The following SAMD4A variants were observed in gnomAD, a reference collection of about 807,000 sequenced individuals.
SAMD4A encodes protein Smaug homolog 1.
A neutral mutation model predicts 81.3 loss-of-function variants in SAMD4A; 33 were observed. That is an observed-to-expected ratio of 0.41 (90% CI 0.31 to 0.54). The LOEUF (loss-of-function observed/expected upper bound fraction) is 0.54. SAMD4A is among the 20% of genes least tolerant of loss of function. The pLI is 0.37. For synonymous variants in SAMD4A, 389 were observed against 382.1 expected (o/e 1.02, Z -0.21); for missense variants, 854 against 951.1 (o/e 0.90, Z 1.34).
At chr14:54,627,578 C>G (rs1321657861) in intron 2 of SAMD4A, among the ~76,000 whole-genome samples, 1 of 152,222 alleles carries the variant, frequency 6.6e-6, no homozygotes, top group Non-Finnish European at 1.5e-5. Flanking sequence ...GAGACCCTAA[C>G]AAGTCAGCTC....
At chr14:54,641,178 G>T (rs2140381983) in intron 2 of SAMD4A, among the ~76,000 whole-genome samples, 1 of 152,248 alleles carries the variant, frequency 6.6e-6, no homozygotes, top group South Asian at 2.1e-4. Context: ...GGGGATAATG[G>T]TATTACACAC....
intron 2 of SAMD4A, chr14:54,687,274 G>T (rs1008996268): frequency 6.7e-6 from 3 of 449,634 alleles, no homozygotes; most frequent in East Asian, 7.0e-5. Flanking sequence ...TCCATGGGCA[G>T]TTATGAACCA....
At position 54,736,813 on chromosome 14, in the gene SAMD4A, G is replaced by A. The variant is rs149407295; in HGVS notation, c.716-211G>A. ...GCACTATAGGTTTGGCCTCCTTGGA[G>A]AAACCTAACCCACTGAGAGGGACAG... On this transcript the variant is annotated intron_variant, in intron 3 of 12. Coordinates refer to ENST00000554335, the MANE Select transcript of SAMD4A (RefSeq NM_015589.6). 2.0e-3 allele frequency among the ~76,000 whole-genome samples: 311 copies of A among 152,268 alleles called. 1 individual carries two copies. Among genetic ancestry groups the A allele is most frequent in the African/African-American group, 7.3e-3 (303 of 41,554 alleles).
intron 2 of SAMD4A, among the ~76,000 whole-genome samples, chr14:54,645,326 T>C (rs2035263095): frequency 6.6e-6 from 1 of 152,164 alleles, no homozygotes; most frequent in Admixed American, 6.5e-5. Flanking sequence ...TTAAAAGTAG[T>C]CTTACTTCTC....
intron 2 of SAMD4A, chr14:54,682,161 G>C (rs1246790775): frequency 1.7e-6 from 1 of 586,774 alleles, no homozygotes; most frequent in East Asian, 1.4e-4. Flanking sequence ...TGGGGAGTCT[G>C]CTGTGTGCAC....
chr14:54,631,969 A>G (rs1227871945), intron 2 of SAMD4A, among the ~76,000 whole-genome samples: 1 of 152,208 alleles, frequency 6.6e-6, no homozygotes, highest in East Asian at 1.9e-4. Flanking sequence ...ATTCAGAGTT[A>G]CTATACACCA....
intron 2 of SAMD4A, among the ~76,000 whole-genome samples, chr14:54,597,756 A>T (rs554069579): frequency 2.2e-4 from 33 of 151,564 alleles, no homozygotes; most frequent in Non-Finnish European, 4.6e-4. Flanking sequence ...TGCCTGGCTA[A>T]TTTTTGTATT....
intron 7 of SAMD4A, 57 bp downstream of exon 7, chr14:54,760,551 A>G (rs2038370168): frequency 1.5e-6 from 2 of 1,365,248 alleles, no homozygotes; most frequent in Non-Finnish European, 1.9e-6. Flanking sequence ...CCAGAGCGAC[A>G]GGCTCCTGGG....
At chr14:54,704,733 C>T (rs2036809742) in intron 3 of SAMD4A, among the ~76,000 whole-genome samples, 1 of 152,198 alleles carries the variant, frequency 6.6e-6, no homozygotes, top group African/African-American at 2.4e-5. Flanking sequence ...GATCAAAGAG[C>T]TCAGATCTCC....
chr14:54,654,826 T>G (rs1338910338), intron 2 of SAMD4A, among the ~76,000 whole-genome samples: 1 of 152,224 alleles, frequency 6.6e-6, no homozygotes, highest in African/African-American at 2.4e-5. Context: ...CCATGGTTGG[T>G]GCATCCCTGC....
At chr14:54,585,379 C>T (rs1196576979) in intron 2 of SAMD4A, among the ~76,000 whole-genome samples, 1 of 152,140 alleles carries the variant, frequency 6.6e-6, no homozygotes, top group Non-Finnish European at 1.5e-5. Context: ...TTCTGGATCA[C>T]GCTTCTTTAA....
At chr14:54,784,380 A>T in intron 11 of SAMD4A, 157 bp from the exon 12 acceptor site, 1 of 1,570,480 alleles carries the variant, frequency 6.4e-7, no homozygotes, top group Non-Finnish European at 8.7e-7. Flanking sequence ...CAGACCTTAG[A>T]GGTTGGTTGA....
intron 8 of SAMD4A, among the ~76,000 whole-genome samples, chr14:54,769,127 C>A (rs564734606): frequency 2.4e-4 from 36 of 152,338 alleles, no homozygotes; most frequent in African/African-American, 8.4e-4. Flanking sequence ...AGTCACTTGG[C>A]AGGGGATTCA....
chr14:54,610,684 T>A (rs2034329932), intron 2 of SAMD4A, among the ~76,000 whole-genome samples: 1 of 152,102 alleles, frequency 6.6e-6, no homozygotes, highest in Non-Finnish European at 1.5e-5. Flanking sequence ...CCGTGCTGAG[T>A]TTTTTAAAAA....
At chr14:54,571,240 G>C (rs963606683) in intron 2 of SAMD4A, among the ~76,000 whole-genome samples, 14 of 152,176 alleles carry the variant, frequency 9.2e-5, no homozygotes, top group Admixed American at 9.2e-4. Flanking sequence ...GAGATTCCAA[G>C]AAATGATTGA....
At chr14:54,585,431 T>C (rs565440570) in intron 2 of SAMD4A, among the ~76,000 whole-genome samples, 1 of 152,326 alleles carries the variant, frequency 6.6e-6, no homozygotes, top group African/African-American at 2.4e-5. Flanking sequence ...ATCATTCTTT[T>C]TAAAAATTTT....
At chr14:54,671,545 C>A (rs1004832167) in intron 2 of SAMD4A, among the ~76,000 whole-genome samples, 1 of 152,166 alleles carries the variant, frequency 6.6e-6, no homozygotes, top group South Asian at 2.1e-4. Context: ...GAAGCACAGC[C>A]AAGGCAGAGG....
chr14:54,676,493 C>T (rs1239972831), intron 2 of SAMD4A, among the ~76,000 whole-genome samples: 2 of 152,202 alleles, frequency 1.3e-5, no homozygotes, highest in Admixed American at 6.5e-5. Context: ...TCTCCTGCCT[C>T]AGTCTCCTGA....
intron 9 of SAMD4A, among the ~76,000 whole-genome samples, chr14:54,774,142 G>C (rs1261482934): frequency 6.6e-6 from 1 of 152,226 alleles, no homozygotes; most frequent in African/African-American, 2.4e-5. Flanking sequence ...GGCGCAAGGC[G>C]GCAGGCAGAG....
Sources: gnomAD v4.1 joint callset for allele counts (sites outside exome capture counted in the v4.1 genomes callset) on GRCh38, gnomAD v4.1.1 for gene constraint, MANE v1.5 for transcripts, NCBI Gene and HGNC (gene_info 2026-07-23, HGNC 2026-07-21) for gene names.